The following DHTKD1 variants were observed in gnomAD, a reference collection of about 807,000 sequenced individuals.
The protein encoded by DHTKD1 is 2-oxoadipate dehydrogenase complex component E1.
DHTKD1 carries 78 observed loss-of-function variants against 101.8 expected under a neutral mutation model. The observed-to-expected ratio is 0.77, with a 90% CI of 0.64 to 0.93. The LOEUF is 0.93. Among genes scored for constraint, DHTKD1 ranks in the 40% least tolerant of loss-of-function variants. The pLI is 0.00. For synonymous variants in DHTKD1, 462 were observed against 450.3 expected (o/e 1.03, Z -0.33); for missense variants, 1,223 against 1,161.7 (o/e 1.05, Z -0.77).
intron 3 of DHTKD1, among the ~76,000 whole-genome samples, chr10:12,085,322 T>TA (rs1185713770): frequency 2.0e-5 from 3 of 151,942 alleles, no homozygotes; most frequent in Middle Eastern, 3.4e-3. Context: ...AAAAAAAAGA[T>TA]ATATAACTAC....
Position 12,121,029 on chromosome 10 carries a change from G to A in DHTKD1, c.*141G>A, listed in dbSNP as rs1237473059. The A allele has an allele frequency of 1.6e-6, 1 of 616,440 alleles. No individual in the cohort carries two copies. The highest frequency in any genetic ancestry group is 1.8e-5 in the African/African-American group (1 of 54,110). 38.2% of individuals were successfully genotyped at this position (616,440 alleles called of 1,614,324 possible). On this transcript the variant is annotated 3_prime_UTR_variant, in exon 17 of 17. Coordinates refer to ENST00000263035, the MANE Select transcript of DHTKD1 (RefSeq NM_018706.7). ...GAGGTCAGGAGTTCGAGACCAGCCT[G>A]GCCAACACGGTGAAACCCCGCCTCT...
rs775775255 is a variant in DHTKD1, at chr10:12,087,749, TTC to T, written c.717+23_717+24del. ...CCAGAGGTAAGGTTACTCGCTGTGT[TTC>T]TCAGTAGCACTATATGATTGATTGT... On this transcript the variant is annotated intron_variant, in intron 4 of 16. Coordinates refer to ENST00000263035, the MANE Select transcript of DHTKD1 (RefSeq NM_018706.7). This position sits in a 1 kb window ranked among gnomAD's most constrained non-coding sequence, Gnocchi z 5.2. 5 of 1,557,894 alleles carry T rather than the reference TTC, an allele frequency of 3.2e-6. No individual in the cohort carries two copies. The East Asian group carries it at 1.1e-4, about 35-fold the overall frequency.
chr10:12,074,819 T>C (rs1215713370), intron 1 of DHTKD1, among the ~76,000 whole-genome samples: 1 of 151,900 alleles, frequency 6.6e-6, no homozygotes, highest in Non-Finnish European at 1.5e-5. Context: ...ATAAGAACAA[T>C]AGCAAACATA....
At chr10:12,100,457 G>T (rs2131367628) in intron 9 of DHTKD1, among the ~76,000 whole-genome samples, 195 bp downstream of exon 9, 1 of 151,122 alleles carries the variant, frequency 6.6e-6, no homozygotes, top group South Asian at 2.1e-4. Context: ...TAGAGACGGG[G>T]TTTCACTATG....
chr10:12,081,439 CTG>C (rs747190660), intron 1 of DHTKD1, 31 bp from the exon 2 acceptor site: 5 of 1,601,520 alleles, frequency 3.1e-6, no homozygotes, highest in Middle Eastern at 1.7e-4. Flanking sequence ...ATCTCCTAAA[CTG>C]TTTGCATTTT....
chr10:12,083,085 G>A (rs1832848064), intron 2 of DHTKD1, among the ~76,000 whole-genome samples: 2 of 152,004 alleles, frequency 1.3e-5, no homozygotes, highest in Non-Finnish European at 2.9e-5. Flanking sequence ...GTGAAGCCGG[G>A]AAGCGGAGCT....
At chr10:12,095,852 A>C (rs1833064046) in intron 7 of DHTKD1, among the ~76,000 whole-genome samples, 1 of 149,224 alleles carries the variant, frequency 6.7e-6, no homozygotes, top group African/African-American at 2.5e-5. Flanking sequence ...AAGAAAAGAA[A>C]AAGAAAAATT....
intron 1 of DHTKD1, among the ~76,000 whole-genome samples, chr10:12,078,950 G>T (rs1012667602): frequency 5.3e-5 from 8 of 152,128 alleles, no homozygotes; most frequent in Non-Finnish European, 8.8e-5. Flanking sequence ...TATGGCTGCT[G>T]GTTTGCAATG....
At position 12,097,688 on chromosome 10, in the gene DHTKD1, C is replaced by T. The variant is rs201369986; in HGVS notation, c.1363C>T (p.Arg455Ter). 98 of 1,607,956 alleles carry T rather than the reference C, an allele frequency of 6.1e-5. No homozygotes were observed. Among genetic ancestry groups the T allele is most frequent in the Non-Finnish European group, 8.1e-5 (95 of 1,177,016 alleles). The change falls in exon 8 of 17, where the codon CGA becomes TGA. Residue 455 changes from arginine (R) to a stop codon, truncating the protein, a stop_gained. Transcript: ENST00000263035. LOFTEE classifies it high-confidence loss of function. Reference protein sequence around the residue: ...NPIMYKIIRARKSIPDTYAEH... With the variant: ...NPIMYKIIRA Reference sequence around the variant, plus strand: ...TTTCTTCTCTTTCTTGGGCAGAGCTCGAAAGAGCATTCCAGACACATATGC... The same window carrying T: ...TTTCTTCTCTTTCTTGGGCAGAGCTTGAAAGAGCATTCCAGACACATATGC...
rs1015541074 is a variant in DHTKD1, at chr10:12,084,033, C to T, written c.311-507C>T. Among the ~76,000 whole-genome samples, 23 of 151,984 alleles carry T rather than the reference C, an allele frequency of 1.5e-4. No homozygotes were observed. In the South Asian group the frequency reaches 2.1e-3, roughly 14 times the overall value. ...TGCCTCCCAGGTTCAAGCAATTGTC[C>T]TGCCTCAGCCTCTCGAGTAGCTGGG... On this transcript the variant is annotated intron_variant, in intron 2 of 16. Coordinates refer to ENST00000263035, the MANE Select transcript of DHTKD1 (RefSeq NM_018706.7).
rs187631670 is a variant in DHTKD1 at position 12,095,152 on chromosome 10, C to A, written c.1358+881C>A. ...TGCCTGGCACCTTGGTGAGAGGTAA[C>A]TCAGAAGATTCTAATGAATGTTCAG... On this transcript the variant is annotated intron_variant, in intron 7 of 16. Coordinates refer to ENST00000263035, the MANE Select transcript of DHTKD1 (RefSeq NM_018706.7). Among the ~76,000 whole-genome samples, 78 of 152,242 alleles carry A rather than the reference C, an allele frequency of 5.1e-4. 1 individual carries two copies. Among genetic ancestry groups the A allele is most frequent in the African/African-American group, 1.9e-3 (77 of 41,568 alleles).
Position 12,118,881 on chromosome 10 carries a change from T to C in DHTKD1, c.2535T>C (p.Ser845=), listed in dbSNP as rs754710273. Residue 845 remains serine, a synonymous_variant, in exon 15 of 17, where the codon TCT becomes TCC. Coordinates refer to ENST00000263035, the MANE Select transcript of DHTKD1 (RefSeq NM_018706.7). ...VEELCPFPLD[S]LQQEMSKYKH... The stretch of plus-strand genomic sequence containing the variant: ...AACTCTGCCCCTTCCCGTTGGATTC[T>C]TTACAGCAAGAGATGAGCAAATACA... 5.6e-6 allele frequency: 9 copies of C among 1,603,096 alleles called. No homozygotes were observed. Among genetic ancestry groups the C allele is most frequent in the Non-Finnish European group, 7.7e-6 (9 of 1,175,286 alleles).
chr10:12,088,908 G>T, intron 4 of DHTKD1, 78 bp from the exon 5 acceptor site: 2 of 1,353,756 alleles, frequency 1.5e-6, no homozygotes, highest in South Asian at 1.4e-5. Flanking sequence ...TTTGTTGTAT[G>T]ATTTCAACTC....
intron 1 of DHTKD1, among the ~76,000 whole-genome samples, chr10:12,070,915 G>A (rs962386993): frequency 2.0e-4 from 30 of 152,198 alleles, no homozygotes; most frequent in African/African-American, 6.7e-4. Context: ...ATGAACATAC[G>A]CTCCTGAGCT....
In DHTKD1 at chr10:12,101,053, C is replaced by G; in HGVS notation, c.1768C>G (p.Arg590Gly). 1 of 1,613,380 alleles carries G rather than the reference C, an allele frequency of 6.2e-7. No individual in the cohort carries two copies. The highest frequency in any genetic ancestry group is 8.5e-7 in the Non-Finnish European group (1 of 1,179,844). Reference sequence around the variant, plus strand: ...CTTGCTTGCTTAAGGTTTTAATGTTCGTCTAAGTGGCCAAGATGTTGGTCG... The same window carrying G: ...CTTGCTTGCTTAAGGTTTTAATGTTGGTCTAAGTGGCCAAGATGTTGGTCG... Reference protein sequence around the residue: ...GSLLAQGFNVRLSGQDVGRGT... With the variant: ...GSLLAQGFNVGLSGQDVGRGT... Residue 590 changes from arginine to glycine, a missense_variant, in exon 10 of 17, where the codon CGT becomes GGT. Coordinates refer to ENST00000263035, the MANE Select transcript of DHTKD1 (RefSeq NM_018706.7).
chr10:12,107,295 C>G lies in DHTKD1; in HGVS notation c.2048-614C>G, dbSNP rs985290348. 1.3e-5 allele frequency among the ~76,000 whole-genome samples: 2 copies of G among 150,830 alleles called. No homozygotes were observed. On this transcript the variant is annotated intron_variant, in intron 11 of 16. Coordinates refer to ENST00000263035, the MANE Select transcript of DHTKD1 (RefSeq NM_018706.7). This position sits in a 1 kb window ranked among gnomAD's most constrained non-coding sequence, Gnocchi z 4.1. ...GCCACTGTGCCCGGCCGGGAGCTGC[C>G]CATTCTTGTAAGAGTGGTGCCTGCG...
Position 12,091,553 on chromosome 10 carries a change from C to T in DHTKD1, c.1028C>T (p.Pro343Leu), listed in dbSNP as rs922714045. 3 of 1,612,176 alleles carry T rather than the reference C, an allele frequency of 1.9e-6. No homozygotes were observed. The highest frequency in any genetic ancestry group is 2.2e-5 in the East Asian group (1 of 44,830). The part of the protein sequence containing the change: ...DASFCGQGIV[P>L]ETFTLSNLPH... ...TCTTTCTGTGGTCAAGGGATTGTTC[C>T]TGAAACATTCACGCTGTCCAATCTC... Residue 343 changes from proline (P) to leucine (L), a missense_variant, in exon 6 of 17, where the codon CCT becomes CTT. Physicochemically the swap from Pro to Leu is moderately conservative, Grantham distance 98. Coordinates refer to ENST00000263035, the MANE Select transcript of DHTKD1 (RefSeq NM_018706.7).
intron 15 of DHTKD1, 109 bp downstream of exon 15, chr10:12,119,027 C>T (rs566668189): frequency 1.1e-5 from 13 of 1,162,528 alleles, no homozygotes; most frequent in African/African-American, 1.1e-4. Context: ...GAATCTTGGG[C>T]CGGGCGCGGT....
rs1320890029 is a variant in DHTKD1, at chr10:12,097,889, T to C, written c.1564T>C (p.Trp522Arg). The C allele has an allele frequency of 3.1e-6, 5 of 1,614,212 alleles. No homozygotes were observed. Among genetic ancestry groups the C allele is most frequent in the Non-Finnish European group, 4.2e-6 (5 of 1,180,018 alleles). Residue 522 changes from tryptophan to arginine, a missense_variant, in exon 8 of 17, where the codon TGG becomes CGG. Transcript: ENST00000263035. ...TCAGCCAGAAGCGCAAATCACCACC[T>C]GGAGTACAGGTGTGCCCCTCGACCT... is the stretch of plus-strand genomic sequence containing the variant. ...LAQPEAQITT[W>R]STGVPLDLLR...
Sources: gnomAD v4.1 joint callset for allele counts (sites outside exome capture counted in the v4.1 genomes callset) on GRCh38, gnomAD v4.1.1 for gene constraint, Gnocchi (gnomAD v3.1) non-coding constraint, MANE v1.5 for transcripts, NCBI Gene and HGNC (gene_info 2026-07-23, HGNC 2026-07-21) for gene names.